The following EGFLAM variants were observed in gnomAD, a reference collection of about 807,000 sequenced individuals.
The protein encoded by EGFLAM is pikachurin.
Under a neutral mutation model 113.1 loss-of-function variants are expected in EGFLAM, and 79 were observed. The ratio of observed to expected loss-of-function variants is 0.70; its 90% CI spans 0.58 to 0.84. The LOEUF is 0.84. EGFLAM is among the 40% of genes least tolerant of loss of function. The probability of loss-of-function intolerance (pLI) is 0.00; values close to 1 mark genes in which losing one functional copy is unlikely to be tolerated. For missense variants in EGFLAM, 1,265 were observed against 1,291.6 expected, an observed-to-expected ratio of 0.98 and a Z score of 0.32; for synonymous variants, 504 against 487.6, an observed-to-expected ratio of 1.03 and a Z score of -0.44.
chr5:38,273,303 C>T (rs936897615), intron 1 of EGFLAM, among the ~76,000 whole-genome samples: 2 of 152,204 alleles, frequency 1.3e-5, no homozygotes, highest in African/African-American at 4.8e-5. Context: ...AGGCTGATAC[C>T]CACAGACATA....
chr5:38,321,469 G>T (rs989133651), intron 1 of EGFLAM, among the ~76,000 whole-genome samples: 1 of 152,330 alleles, frequency 6.6e-6, no homozygotes, highest in South Asian at 2.1e-4. Context: ...AAGTGAGCTT[G>T]AGTTGGTGAC....
At chr5:38,382,226 T>C (rs75359716) in intron 6 of EGFLAM, among the ~76,000 whole-genome samples, 4 of 146,950 alleles carry the variant, frequency 2.7e-5, no homozygotes, top group African/African-American at 1.1e-4. Flanking sequence ...TCTTCCAGAA[T>C]TTTTTTTAAT....
intron 19 of EGFLAM, among the ~76,000 whole-genome samples, chr5:38,453,618 T>G (rs892952609): frequency 1.8e-4 from 27 of 152,094 alleles, no homozygotes; most frequent in African/African-American, 6.3e-4. Context: ...CTCCGTAGCC[T>G]CCCACCCATT....
chr5:38,459,113 T>C (rs137939724), intron 20 of EGFLAM, among the ~76,000 whole-genome samples: 16 of 152,192 alleles, frequency 1.1e-4, no homozygotes, highest in Admixed American at 9.2e-4. Context: ...CATGGCTCAG[T>C]GCAGCCTCGC....
At chr5:38,417,288 C>T (rs1000340020) in intron 11 of EGFLAM, among the ~76,000 whole-genome samples, 8 of 128,986 alleles carry the variant, frequency 6.2e-5, no homozygotes, top group East Asian at 4.9e-4. Flanking sequence ...GCGGAGGTTA[C>T]GGTGAGCCAG....
intron 1 of EGFLAM, among the ~76,000 whole-genome samples, chr5:38,336,498 C>G (rs1023798487): frequency 6.6e-6 from 1 of 151,878 alleles, no homozygotes. Flanking sequence ...GGCGTGAACC[C>G]GGGAGGCGGG....
chr5:38,340,397 T>C (rs79263655), intron 3 of EGFLAM, among the ~76,000 whole-genome samples: 2,493 of 152,294 alleles, frequency 0.016, 67 homozygotes, highest in African/African-American at 0.056. Flanking sequence ...ATATATTCTC[T>C]CCATTATCAA....
At chr5:38,351,265 C>T (rs1266050137) in intron 4 of EGFLAM, among the ~76,000 whole-genome samples, 1 of 152,100 alleles carries the variant, frequency 6.6e-6, no homozygotes, top group Non-Finnish European at 1.5e-5. Context: ...CATGCCATCA[C>T]ACCTGGCTAA....
chr5:38,440,574 G>A (rs2112233097), intron 17 of EGFLAM, among the ~76,000 whole-genome samples: 1 of 152,288 alleles, frequency 6.6e-6, no homozygotes, highest in Non-Finnish European at 1.5e-5. Flanking sequence ...TAGAAAGTTT[G>A]CGTAAATCCT....
intron 13 of EGFLAM, 104 bp from the exon 14 acceptor site, chr5:38,426,905 T>G (rs1197453620): frequency 4.7e-6 from 7 of 1,498,508 alleles, no homozygotes; most frequent in Middle Eastern, 1.8e-4. Context: ...TGCTGGGAAT[T>G]GTAGTTTAGG....
At chr5:38,331,448 G>C (rs1739040125) in intron 1 of EGFLAM, among the ~76,000 whole-genome samples, 1 of 152,066 alleles carries the variant, frequency 6.6e-6, no homozygotes, top group Non-Finnish European at 1.5e-5. Context: ...CTTTTTTACT[G>C]TTTCCTTTTC....
intron 1 of EGFLAM, among the ~76,000 whole-genome samples, chr5:38,326,563 A>T (rs1738889041): frequency 6.6e-6 from 1 of 151,770 alleles, no homozygotes; most frequent in African/African-American, 2.4e-5. Context: ...CAGTGGTGCA[A>T]TCTCAGCTCA....
chr5:38,394,746 T>G (rs1740913244), intron 6 of EGFLAM, among the ~76,000 whole-genome samples: 1 of 147,572 alleles, frequency 6.8e-6, no homozygotes, highest in Non-Finnish European at 1.5e-5. Flanking sequence ...CTAATGCTTG[T>G]TTAGATTTAT....
intron 14 of EGFLAM, 113 bp from the exon 15 acceptor site, chr5:38,431,064 A>T: frequency 1.1e-6 from 1 of 890,066 alleles, no homozygotes. Flanking sequence ...GCTCATCTCT[A>T]CCAGAAACAC....
At chr5:38,419,010 C>G (rs1741744928) in intron 12 of EGFLAM, among the ~76,000 whole-genome samples, 1 of 152,166 alleles carries the variant, frequency 6.6e-6, no homozygotes, top group Non-Finnish European at 1.5e-5. Context: ...AGTCCCAGAT[C>G]AAGGTGCCAG....
chr5:38,268,581 A>C (rs941976738), intron 1 of EGFLAM, among the ~76,000 whole-genome samples: 1 of 152,164 alleles, frequency 6.6e-6, no homozygotes, highest in Non-Finnish European at 1.5e-5. Context: ...AACATCACCA[A>C]ATTTACAGCA....
intron 1 of EGFLAM, among the ~76,000 whole-genome samples, chr5:38,284,514 G>A (rs957143654): frequency 1.3e-5 from 2 of 152,178 alleles, no homozygotes; most frequent in African/African-American, 4.8e-5. Flanking sequence ...TGGTCCATGG[G>A]CTGTGGTTTG....
At chr5:38,437,470 T>A (rs1742385756) in intron 16 of EGFLAM, among the ~76,000 whole-genome samples, 1 of 152,182 alleles carries the variant, frequency 6.6e-6, no homozygotes, top group African/African-American at 2.4e-5. Flanking sequence ...TCCGCCTCCG[T>A]AACACTGTGT....
rs762716773 is a variant in EGFLAM at position 38,412,577 on chromosome 5, A to G, written c.1423A>G (p.Met475Val). ...CAAACTAGGGGGTTGGCACACGGTT[A>G]TGCTCTACAGAGATGGGCTGAACGG... ...KIKLGGWHTV[M>V]LYRDGLNGLL... Residue 475 changes from methionine (M) to valine (V), a missense_variant, in exon 11 of 22, where the codon ATG becomes GTG. By Grantham distance (21) the Met-to-Val change is conservative. Coordinates refer to ENST00000322350, the MANE Select transcript of EGFLAM (RefSeq NM_152403.4). 7 of 1,614,202 alleles carry G rather than the reference A, an allele frequency of 4.3e-6. No homozygotes were observed. Among genetic ancestry groups the G allele is most frequent in the Non-Finnish European group, 5.9e-6 (7 of 1,180,032 alleles).
Sources: gnomAD v4.1 joint callset for allele counts (sites outside exome capture counted in the v4.1 genomes callset) on GRCh38, gnomAD v4.1.1 for gene constraint, MANE v1.5 for transcripts, NCBI Gene and HGNC (gene_info 2026-07-23, HGNC 2026-07-21) for gene names.